ZNF423: variants seen among roughly 807,000 people sequenced by gnomAD.
The protein encoded by ZNF423 is Ebf-associated zinc finger protein.
In ZNF423, 12 loss-of-function variants were observed where a neutral mutation model predicts 95.8. The ratio of observed to expected loss-of-function variants is 0.13; its 90% CI spans 0.08 to 0.20. ZNF423 has a LOEUF of 0.20. Ranked by LOEUF, ZNF423 falls within the 10% of genes least tolerant of loss-of-function variation. The pLI is 1.00. For missense variants in ZNF423, 1,316 were observed against 1,737.1 expected, an observed-to-expected ratio of 0.76 and a Z score of 4.31; for synonymous variants, 749 against 711.9, an observed-to-expected ratio of 1.05 and a Z score of -0.83.
At chr16:49,565,374 T>G (rs529289303) in intron 5 of ZNF423, among the ~76,000 whole-genome samples, 3 of 152,308 alleles carry the variant, frequency 2.0e-5, no homozygotes, top group African/African-American at 7.2e-5. Flanking sequence ...AATTTCACTC[T>G]CCTGACCCAA....
chr16:49,497,190 C>A (rs1008093966), intron 7 of ZNF423, among the ~76,000 whole-genome samples: 24 of 149,648 alleles, frequency 1.6e-4, no homozygotes, highest in Non-Finnish European at 2.8e-4. Flanking sequence ...CACTCATCCA[C>A]CCATCCACTC....
In ZNF423 at chr16:49,492,512, C is replaced by T. The variant is rs1181645348; in HGVS notation, c.3850-1208G>A. On this transcript the variant is annotated intron_variant, in intron 7 of 7. Coordinates refer to ENST00000563137, the MANE Select transcript of ZNF423 (RefSeq NM_001379286.1). The surrounding 1 kb of genome is among the most constrained non-coding windows in gnomAD (Gnocchi z 4.2). ...CCGGGGCCGGGGCCGAGACGGGCCA[C>T]TCCTGCTCCCTGGAGCAGGGCCCCG... Among the ~76,000 whole-genome samples the T allele has an allele frequency of 6.6e-6, 1 of 152,158 alleles. No individual in the cohort carries two copies. Among genetic ancestry groups the T allele is most frequent in the Non-Finnish European group, 1.5e-5 (1 of 68,008 alleles).
At chr16:49,771,282 A>G (rs2034031004) in intron 2 of ZNF423, among the ~76,000 whole-genome samples, 1 of 144,882 alleles carries the variant, frequency 6.9e-6, no homozygotes, top group African/African-American at 2.6e-5. Context: ...AGCTCACTGC[A>G]ACCTCCACCT....
chr16:49,772,149 G>A (rs1356096076), intron 2 of ZNF423, among the ~76,000 whole-genome samples: 2 of 152,202 alleles, frequency 1.3e-5, no homozygotes, highest in Non-Finnish European at 2.9e-5. Flanking sequence ...GAAACCCAGG[G>A]GAGCTAATGT....
intron 7 of ZNF423, among the ~76,000 whole-genome samples, chr16:49,510,859 C>A (rs1967864421): frequency 6.6e-6 from 1 of 152,254 alleles, no homozygotes; most frequent in African/African-American, 2.4e-5. Context: ...GCCACACACA[C>A]AATGGCCACC....
intron 1 of ZNF423, among the ~76,000 whole-genome samples, chr16:49,811,937 G>A (rs2034760251): frequency 6.6e-6 from 1 of 152,226 alleles, no homozygotes; most frequent in South Asian, 2.1e-4. Context: ...CATCTGGGAT[G>A]GATGCCACAG....
At chr16:49,780,736 C>T (rs1195309230) in intron 2 of ZNF423, 5 of 152,286 alleles carry the variant, frequency 3.3e-5, no homozygotes, top group African/African-American at 1.2e-4. Flanking sequence ...GTCTTCCTAC[C>T]CAGCCTGCCT....
intron 3 of ZNF423, among the ~76,000 whole-genome samples, chr16:49,704,180 G>A (rs2143026352): frequency 1.3e-5 from 2 of 152,212 alleles, no homozygotes; most frequent in South Asian, 4.2e-4. Context: ...TAGCCAGAGG[G>A]GGAACACAGG....
chr16:49,579,326 C>T (rs141611989), intron 5 of ZNF423, among the ~76,000 whole-genome samples: 6,872 of 151,698 alleles, frequency 0.045, 215 homozygotes, highest in Middle Eastern at 0.086. Context: ...GGCAGGACCC[C>T]TCTTGGGCCA....
intron 2 of ZNF423, among the ~76,000 whole-genome samples, chr16:49,736,121 AG>A (rs2033281002): frequency 6.6e-6 from 1 of 152,184 alleles, no homozygotes; most frequent in Non-Finnish European, 1.5e-5. Context: ...TGAATGGATG[AG>A]TGAATTAATT....
chr16:49,783,120 A>G (rs958939921), intron 2 of ZNF423, among the ~76,000 whole-genome samples: 2 of 152,172 alleles, frequency 1.3e-5, no homozygotes, highest in Admixed American at 1.3e-4. Flanking sequence ...TCTGCCACTT[A>G]GAGACCTCAT....
intron 1 of ZNF423, among the ~76,000 whole-genome samples, chr16:49,815,914 ATTTTTTT>A (rs58692079): frequency 3.5e-3 from 103 of 29,742 alleles, no homozygotes; most frequent in South Asian, 0.015. Flanking sequence ...ATATATATAT[ATTTTTTT>A]TTTTTTTTTT....
chr16:49,805,929 G>A (rs145227351), intron 1 of ZNF423, among the ~76,000 whole-genome samples: 2 of 152,348 alleles, frequency 1.3e-5, no homozygotes, highest in African/African-American at 2.4e-5. Flanking sequence ...CAATGTGTGC[G>A]GAAAATTCCC....
intron 3 of ZNF423, among the ~76,000 whole-genome samples, chr16:49,721,951 G>C (rs1016263005): frequency 3.3e-4 from 51 of 152,312 alleles, no homozygotes; most frequent in African/African-American, 1.2e-3. Context: ...CCAACAGTGT[G>C]ATAACAGCAT....
In ZNF423 at chr16:49,636,578, C is replaced by A. The variant is rs773540555; in HGVS notation, c.2598G>T (p.Leu866=). The A allele has an allele frequency of 1.9e-6, 3 of 1,613,946 alleles. No individual in the cohort carries two copies. Among genetic ancestry groups the A allele is most frequent in the Admixed American group, 3.3e-5 (2 of 60,010 alleles). Residue 866 remains leucine (L), a synonymous_variant, in exon 4 of 8, where the codon CTG becomes CTT. Coordinates refer to ENST00000563137, the MANE Select transcript of ZNF423 (RefSeq NM_001379286.1). The surrounding 1 kb of genome is among the most constrained non-coding windows in gnomAD (Gnocchi z 8.6). ...MATKKAEPAD[L]QGMLLKNPEA... ...CAGGGTTCTTAAGCAGCATGCCCTG[C>A]AGGTCAGCAGGCTCAGCTTTCTTGG...
intron 5 of ZNF423, among the ~76,000 whole-genome samples, chr16:49,532,698 T>C (rs1191480519): frequency 6.6e-6 from 1 of 152,198 alleles, no homozygotes; most frequent in Non-Finnish European, 1.5e-5. Flanking sequence ...TCAGTTGCCA[T>C]GGCAACGGAG....
chr16:49,726,706 C>T (rs966784279), intron 3 of ZNF423, among the ~76,000 whole-genome samples: 2 of 152,072 alleles, frequency 1.3e-5, no homozygotes, highest in African/African-American at 2.4e-5. Flanking sequence ...ATCACACTTA[C>T]CCAGTCAGCC....
rs567212671 is a variant in ZNF423, at chr16:49,678,224, T to A, written c.302-39350A>T. Reference sequence around the variant, plus strand: ...ATTACATTTTATTTGAATGTATGTGTTTTATTTTTTTTTTAAAGCTACTAT... The same window carrying A: ...ATTACATTTTATTTGAATGTATGTGATTTATTTTTTTTTTAAAGCTACTAT... On this transcript the variant is annotated intron_variant, in intron 3 of 7. Coordinates refer to ENST00000563137, the MANE Select transcript of ZNF423 (RefSeq NM_001379286.1). Among the ~76,000 whole-genome samples, 5 of 150,580 alleles carry A rather than the reference T, an allele frequency of 3.3e-5. No homozygotes were observed. In the East Asian group the frequency reaches 5.8e-4, roughly 18 times the overall value.
At chr16:49,819,638 A>G (rs537253443) in intron 1 of ZNF423, among the ~76,000 whole-genome samples, 1 of 152,164 alleles carries the variant, frequency 6.6e-6, no homozygotes, top group Non-Finnish European at 1.5e-5. Flanking sequence ...TAGTAGAGAC[A>G]GTGTTTCACC....
Sources: gnomAD v4.1 joint callset for allele counts (sites outside exome capture counted in the v4.1 genomes callset) on GRCh38, gnomAD v4.1.1 for gene constraint, Gnocchi (gnomAD v3.1) non-coding constraint, MANE v1.5 for transcripts, NCBI Gene and HGNC (gene_info 2026-07-23, HGNC 2026-07-21) for gene names.